ADAMTS19: variants seen among roughly 807,000 people sequenced by gnomAD.
ADAMTS19 encodes the protein A disintegrin and metalloproteinase with thrombospondin motifs 19.
ADAMTS19 carries 93 observed loss-of-function variants against 153.3 expected under a neutral mutation model. That is an observed-to-expected ratio of 0.61 (90% confidence interval 0.51 to 0.72). The LOEUF (loss-of-function observed/expected upper bound fraction) is 0.72. ADAMTS19 is among the 30% of genes least tolerant of loss of function. ADAMTS19 has a pLI of 0.00. For synonymous variants in ADAMTS19, 600 were observed against 556.6 expected (o/e 1.08, Z -1.10); for missense variants, 1,482 against 1,552.1 (o/e 0.95, Z 0.76).
intron 16 of ADAMTS19, among the ~76,000 whole-genome samples, chr5:129,674,569 T>G (rs1754472301): frequency 6.6e-6 from 1 of 152,218 alleles, no homozygotes; most frequent in Non-Finnish European, 1.5e-5. Flanking sequence ...CTTTATATTT[T>G]TAATGGATTG....
Position 129,734,994 on chromosome 5 carries a change from A to G in ADAMTS19, c.3375A>G (p.Thr1125=). The G allele has an allele frequency of 6.2e-7, 1 of 1,612,452 alleles. No individual in the cohort carries two copies. The highest frequency in any genetic ancestry group is 8.5e-7 in the Non-Finnish European group (1 of 1,179,028). ...TAATCCAATGCATGCATAAGATCAC[A>G]GGAAGACATGGAAATGAATGTTTTT... ...SRVIQCMHKI[T]GRHGNECFSS... is the part of the protein sequence containing the mutation. The change falls in exon 22 of 23, where the codon ACA becomes ACG. Residue 1125 remains threonine, a synonymous_variant. Transcript: ENST00000274487.
chr5:129,688,635 G>A (rs1755197152), intron 18 of ADAMTS19, among the ~76,000 whole-genome samples: 1 of 152,054 alleles, frequency 6.6e-6, no homozygotes, highest in Non-Finnish European at 1.5e-5. Flanking sequence ...CTCTGATGAA[G>A]GCTGATCATC....
intron 16 of ADAMTS19, among the ~76,000 whole-genome samples, chr5:129,674,410 T>C (rs1754461420): frequency 6.6e-6 from 1 of 152,196 alleles, no homozygotes; most frequent in African/African-American, 2.4e-5. Context: ...CACTTAAACA[T>C]AATATAATTT....
intron 2 of ADAMTS19, among the ~76,000 whole-genome samples, chr5:129,495,061 T>A (rs1162301451): frequency 6.6e-6 from 1 of 151,870 alleles, no homozygotes; most frequent in Non-Finnish European, 1.5e-5. Flanking sequence ...TTGTTTTTTA[T>A]TTTTTTTAAA....
chr5:129,638,576 TACAC>T (rs200992336), intron 10 of ADAMTS19, among the ~76,000 whole-genome samples: 14,852 of 75,722 alleles, frequency 0.2, 996 homozygotes, highest in East Asian at 0.47. Context: ...CACACACACA[TACAC>T]ACACACACAC....
At chr5:129,548,821 A>C (rs1229924103) in intron 6 of ADAMTS19, among the ~76,000 whole-genome samples, 1 of 151,988 alleles carries the variant, frequency 6.6e-6, no homozygotes, top group African/African-American at 2.4e-5. Flanking sequence ...TGTGGCACAT[A>C]TACACCATAG....
chr5:129,720,829 G>A (rs758656792), intron 21 of ADAMTS19, among the ~76,000 whole-genome samples: 4 of 152,188 alleles, frequency 2.6e-5, no homozygotes, highest in African/African-American at 4.8e-5. Flanking sequence ...AAGTGCCTAC[G>A]TTGCTTCTTG....
rs1753380089 is a variant in ADAMTS19, at chr5:129,558,224, T to C, written c.1372+6317T>C. ...CCACCACTTCTATTCGACAATGCAC[T>C]GAAAATTTTAGGCATTACAATAAAC... On this transcript the variant is annotated intron_variant, in intron 7 of 22. Transcript: ENST00000274487. 1.4e-4 allele frequency among the ~76,000 whole-genome samples: 21 copies of C among 152,210 alleles called. No individual in the cohort carries two copies. In the South Asian group the frequency reaches 4.3e-3, roughly 32 times the overall value.
chr5:129,723,812 A>G (rs1581264509), intron 21 of ADAMTS19, among the ~76,000 whole-genome samples: 2 of 152,204 alleles, frequency 1.3e-5, no homozygotes, highest in Admixed American at 1.3e-4. Flanking sequence ...TAATCAGGCT[A>G]CAGCTTAGTT....
intron 10 of ADAMTS19, among the ~76,000 whole-genome samples, chr5:129,639,732 T>C (rs945705093): frequency 1.3e-5 from 2 of 152,222 alleles, no homozygotes; most frequent in Non-Finnish European, 2.9e-5. Flanking sequence ...TGTTATGAGA[T>C]AACTAAGTTT....
intron 6 of ADAMTS19, among the ~76,000 whole-genome samples, chr5:129,549,760 T>C (rs1752997338): frequency 1.3e-5 from 2 of 150,458 alleles, no homozygotes. Context: ...ATTTCTAATA[T>C]GCAAGGAACA....
At chr5:129,517,816 C>A (rs1751663049) in intron 3 of ADAMTS19, among the ~76,000 whole-genome samples, 1 of 151,868 alleles carries the variant, frequency 6.6e-6, no homozygotes, top group Non-Finnish European at 1.5e-5. Flanking sequence ...GACTTATACT[C>A]CTGCCATTTT....
chr5:129,483,472 G>A (rs1322101910), intron 2 of ADAMTS19, among the ~76,000 whole-genome samples: 1 of 152,166 alleles, frequency 6.6e-6, no homozygotes, highest in Admixed American at 6.5e-5. Flanking sequence ...CTATTTAACA[G>A]CATCTATGAC....
intron 8 of ADAMTS19, among the ~76,000 whole-genome samples, chr5:129,602,375 G>A (rs778999808): frequency 2.6e-5 from 4 of 152,168 alleles, no homozygotes; most frequent in Non-Finnish European, 4.4e-5. Flanking sequence ...ACAGCACTTC[G>A]CACCCGGCCT....
intron 6 of ADAMTS19, among the ~76,000 whole-genome samples, chr5:129,537,447 A>C (rs1416361899): frequency 1.3e-5 from 2 of 152,188 alleles, no homozygotes; most frequent in African/African-American, 4.8e-5. Context: ...AAGGATTTTA[A>C]ATCATGCTGC....
At position 129,567,888 on chromosome 5, in the gene ADAMTS19, G is replaced by A. The variant is rs550752653; in HGVS notation, c.1372+15981G>A. ...AGACATCATAATCAAACTGCTGAAA[G>A]CTAAAGACGAACTAAAAATGACACC... is the stretch of plus-strand genomic sequence containing the variant. On this transcript the variant is annotated intron_variant, in intron 7 of 22. Transcript: ENST00000274487. Among the ~76,000 whole-genome samples, 11 of 152,214 alleles carry A rather than the reference G, an allele frequency of 7.2e-5. 1 individual carries two copies. The highest frequency in any genetic ancestry group is 2.6e-4 in the African/African-American group (11 of 41,540).
rs774028736 is a variant in ADAMTS19 at position 129,694,738 on chromosome 5, T to C, written c.2837T>C (p.Val946Ala). Residue 946 changes from valine (V) to alanine (A), a missense_variant, in exon 19 of 23, where the codon GTG (valine) becomes GCG (alanine). Transcript: ENST00000274487. ...TCGGGERKTT[V>A]SCTKIMSKNI... Reference sequence around the variant, plus strand: ...TTTTCAGGAGAAAGGAAGACAACAGTGTCCTGCACAAAAATCATGAGCAAA... The same window carrying C: ...TTTTCAGGAGAAAGGAAGACAACAGCGTCCTGCACAAAAATCATGAGCAAA... 3 of 1,599,446 alleles carry C rather than the reference T, an allele frequency of 1.9e-6. No homozygotes were observed. Among genetic ancestry groups the C allele is most frequent in the Non-Finnish European group, 2.6e-6 (3 of 1,172,528 alleles).
intron 13 of ADAMTS19, among the ~76,000 whole-genome samples, chr5:129,652,982 C>A (rs919657718): frequency 6.6e-6 from 1 of 152,082 alleles, no homozygotes. Flanking sequence ...AGGAAAATTT[C>A]AAAACCATGC....
intron 6 of ADAMTS19, among the ~76,000 whole-genome samples, chr5:129,544,727 A>G (rs1363146): frequency 7.9e-5 from 12 of 152,162 alleles, no homozygotes; most frequent in African/African-American, 2.9e-4. Flanking sequence ...GAGTCTGTGC[A>G]AAGTGGGGAA....
Sources: allele counts gnomAD v4.1 joint callset (sites outside exome capture counted in the v4.1 genomes callset), GRCh38; gene constraint gnomAD v4.1.1; transcripts MANE v1.5; gene names NCBI Gene and HGNC (gene_info 2026-07-23, HGNC 2026-07-21).